FOXP1: variants seen among roughly 807,000 people sequenced by gnomAD.
FOXP1 encodes the protein forkhead box P1, also known as forkhead box protein P1.
A neutral mutation model predicts 98.2 loss-of-function variants in FOXP1; 15 were observed. The observed-to-expected ratio is 0.15, with a 90% CI of 0.10 to 0.24. FOXP1 has a LOEUF of 0.24. FOXP1 is among the 10% of genes least tolerant of loss of function. The pLI is 1.00. For synonymous variants in FOXP1, 371 were observed against 314.5 expected, an observed-to-expected ratio of 1.18 and a Z score of -1.90; for missense variants, 633 against 848.5, an observed-to-expected ratio of 0.75 and a Z score of 3.15.
Position 71,368,179 on chromosome 3 carries a change from C to T in FOXP1, c.-167-8935G>A, listed in dbSNP as rs559976252. 6.4e-4 allele frequency among the ~76,000 whole-genome samples: 97 copies of T among 152,062 alleles called. 1 individual carries two copies. The highest frequency in any genetic ancestry group is 1.3e-3 in the Non-Finnish European group (87 of 68,014). ...TCACTCGGTTGCCCAGGCTGGAGTA[C>T]AATGGTGTGATCTCGGCTCACTACA... is the stretch of plus-strand genomic sequence containing the variant. On this transcript the variant is annotated intron_variant, in intron 3 of 20. Transcript: ENST00000649528.
intron 12 of FOXP1, among the ~76,000 whole-genome samples, chr3:71,005,999 C>T (rs1433394749): frequency 6.6e-6 from 1 of 151,938 alleles, no homozygotes; most frequent in Non-Finnish European, 1.5e-5. Context: ...CAATCAAACA[C>T]AGGAGGAACA....
At chr3:71,165,376 T>A (rs1473070574) in intron 6 of FOXP1, among the ~76,000 whole-genome samples, 1 of 152,094 alleles carries the variant, frequency 6.6e-6, no homozygotes, top group Non-Finnish European at 1.5e-5. Flanking sequence ...ATTCAAAAAA[T>A]TAAGGAGACC....
At chr3:71,399,210 A>T (rs894153863) in intron 3 of FOXP1, among the ~76,000 whole-genome samples, 1 of 151,946 alleles carries the variant, frequency 6.6e-6, no homozygotes, top group Non-Finnish European at 1.5e-5. Context: ...GTAGATATAC[A>T]GGTATGTACA....
intron 3 of FOXP1, among the ~76,000 whole-genome samples, chr3:71,381,695 C>CA (rs201360076): frequency 0.01 from 1,555 of 152,248 alleles, 30 homozygotes; most frequent in African/African-American, 0.035. Flanking sequence ...CCACCCACCT[C>CA]AGTCTCCCAA....
chr3:71,273,794 G>A (rs1025852318), intron 5 of FOXP1, among the ~76,000 whole-genome samples: 2 of 152,204 alleles, frequency 1.3e-5, no homozygotes, highest in African/African-American at 4.8e-5. Flanking sequence ...GGAATCAAAT[G>A]CTCTACTATT....
At chr3:70,994,607 C>T (rs562838688) in intron 13 of FOXP1, among the ~76,000 whole-genome samples, 44 of 152,094 alleles carry the variant, frequency 2.9e-4, no homozygotes, top group South Asian at 8.3e-4. Context: ...TTGTGTATTA[C>T]GGGAAGAGGC....
intron 6 of FOXP1, among the ~76,000 whole-genome samples, chr3:71,178,138 CT>C (rs566282356): frequency 0.057 from 6,430 of 111,840 alleles, 445 homozygotes; most frequent in African/African-American, 0.17. Context: ...CCCAGTCAGT[CT>C]TTTTTTTTTT....
At chr3:70,992,122 T>G (rs1417443572) in intron 13 of FOXP1, among the ~76,000 whole-genome samples, 1 of 152,214 alleles carries the variant, frequency 6.6e-6, no homozygotes, top group Non-Finnish European at 1.5e-5. Flanking sequence ...CGGTCTCACC[T>G]AAACATGCTG....
intron 2 of FOXP1, among the ~76,000 whole-genome samples, chr3:71,514,004 A>T (rs957050932): frequency 1.3e-5 from 2 of 152,256 alleles, no homozygotes; most frequent in Non-Finnish European, 2.9e-5. Flanking sequence ...GAGTCTGTGC[A>T]TATGCCTTGA....
chr3:71,309,108 A>C (rs923012223), intron 4 of FOXP1, among the ~76,000 whole-genome samples: 1 of 152,156 alleles, frequency 6.6e-6, no homozygotes, highest in African/African-American at 2.4e-5. Flanking sequence ...TAAGTAATGG[A>C]AAAAGTTAAA....
chr3:71,048,106 T>C (rs1319822211), intron 9 of FOXP1, among the ~76,000 whole-genome samples: 2 of 151,416 alleles, frequency 1.3e-5, no homozygotes, highest in African/African-American at 4.9e-5. Flanking sequence ...CTAACAATTA[T>C]AAAAGGAAAA....
At chr3:71,017,849 T>C (rs1252670118) in intron 11 of FOXP1, among the ~76,000 whole-genome samples, 2 of 152,166 alleles carry the variant, frequency 1.3e-5, no homozygotes, top group African/African-American at 4.8e-5. Flanking sequence ...ATCACTCAAT[T>C]AATGAGTACC....
At chr3:71,089,018 C>A (rs1430453334) in intron 7 of FOXP1, among the ~76,000 whole-genome samples, 1 of 152,154 alleles carries the variant, frequency 6.6e-6, no homozygotes, top group Non-Finnish European at 1.5e-5. Flanking sequence ...GGATATGACA[C>A]TTTATAAACA....
At chr3:71,460,109 A>G (rs2087904124) in intron 3 of FOXP1, among the ~76,000 whole-genome samples, 1 of 150,642 alleles carries the variant, frequency 6.6e-6, no homozygotes, top group Non-Finnish European at 1.5e-5. Flanking sequence ...AATTTTTTCT[A>G]TTTTTTAGTA....
chr3:71,448,892 A>G (rs1329679488), intron 3 of FOXP1, among the ~76,000 whole-genome samples: 1 of 152,168 alleles, frequency 6.6e-6, no homozygotes, highest in Admixed American at 6.5e-5. Flanking sequence ...CGTCTTTTTC[A>G]TGGAGGACAC....
chr3:71,277,962 C>T (rs752045173), intron 5 of FOXP1, among the ~76,000 whole-genome samples: 2 of 151,922 alleles, frequency 1.3e-5, no homozygotes, highest in Non-Finnish European at 2.9e-5. Context: ...GTGGCTGGCA[C>T]GCAGGAAAAG....
At chr3:71,546,613 G>T (rs2045383291) in intron 2 of FOXP1, among the ~76,000 whole-genome samples, 1 of 144,210 alleles carries the variant, frequency 6.9e-6, no homozygotes, top group Non-Finnish European at 1.5e-5. Flanking sequence ...CTGGGTGCAA[G>T]ATACCCAACC....
At chr3:71,498,801 T>C (rs1001420554) in intron 2 of FOXP1, among the ~76,000 whole-genome samples, 2 of 152,134 alleles carry the variant, frequency 1.3e-5, no homozygotes, top group African/African-American at 4.8e-5. Context: ...CTCCTGCAGT[T>C]TTGCATTCCA....
chr3:71,260,699 T>C (rs2069056081), intron 5 of FOXP1, among the ~76,000 whole-genome samples: 2 of 151,964 alleles, frequency 1.3e-5, no homozygotes, highest in South Asian at 4.2e-4. Context: ...CACGTCACCA[T>C]GCCTGGCTAA....
Sources: allele counts gnomAD v4.1 joint callset (sites outside exome capture counted in the v4.1 genomes callset), GRCh38; gene constraint gnomAD v4.1.1; transcripts MANE v1.5; gene names NCBI Gene and HGNC (gene_info 2026-07-23, HGNC 2026-07-21).